The following CLTCL1 variants were observed in gnomAD, a reference collection of about 807,000 sequenced individuals.
The protein encoded by CLTCL1 is clathrin heavy chain 2.
CLTCL1 carries 159 observed loss-of-function variants against 190.0 expected under a neutral mutation model. The ratio of observed to expected loss-of-function variants is 0.84; its 90% CI spans 0.74 to 0.95. The LOEUF is 0.95. Ranked by LOEUF, CLTCL1 falls within the 40% of genes least tolerant of loss-of-function variation. The pLI, the probability that CLTCL1 is intolerant of heterozygous loss-of-function variation, is 0.00. For missense variants in CLTCL1, 1,878 were observed against 2,033.4 expected (o/e 0.92, Z 1.47); for synonymous variants, 752 against 769.6 (o/e 0.98, Z 0.38).
rs371319069 is a variant in CLTCL1 at position 19,212,630 on chromosome 22, GAAAGAAAGAGAAAGAAA to G, written c.3066-2138_3066-2122del. ...AAGGAAGGAAGGAAAGAAAGAGAAA[GAAAGAAAGAGAAAGAAA>G]AAAGAAAGAAAGAAAGAAAAGAAAG... On this transcript the variant is annotated intron_variant, in intron 19 of 32. Transcript: ENST00000427926. Among the ~76,000 whole-genome samples, 583 of 143,018 alleles carry G rather than the reference GAAAGAAAGAGAAAGAAA, an allele frequency of 4.1e-3. 8 individuals carry two copies. The highest frequency in any genetic ancestry group is 0.014 in the African/African-American group (556 of 39,150). The allele number at this position is 143,018 out of a possible 152,430, so 93.8% of individuals were successfully genotyped here. A position where few individuals can be genotyped will look rare whatever the true frequency, so the allele number is the denominator to read the frequency against.
chr22:19,224,141 G>A (rs1264802812), intron 13 of CLTCL1, 87 bp from the exon 14 acceptor site: 7 of 1,405,546 alleles, frequency 5.0e-6, no homozygotes, highest in Non-Finnish European at 6.9e-6. Flanking sequence ...CGATGACCCT[G>A]CTCCACTCTC....
Position 19,180,198 on chromosome 22 carries a change from C to T in CLTCL1, c.*20+1G>A. On this transcript the variant is annotated splice_donor_variant, in intron 32 of 32. Transcript: ENST00000427926. LOFTEE classifies it low-confidence loss of function (3UTR_SPLICE). ...AGCTAGTCTCCAAATGGGACACTTACTTAGTGCAATCAGCTGGGTCTCATT... is the reference window on the plus strand; with the variant it reads ...AGCTAGTCTCCAAATGGGACACTTATTTAGTGCAATCAGCTGGGTCTCATT... 1 of 1,613,554 alleles carries T rather than the reference C, an allele frequency of 6.2e-7. No individual in the cohort carries two copies. Among genetic ancestry groups the T allele is most frequent in the Non-Finnish European group, 8.5e-7 (1 of 1,179,588 alleles).
Position 19,187,559 on chromosome 22 carries a change from T to C in CLTCL1, c.4604A>G (p.Lys1535Arg). The change falls in exon 29 of 33, where the codon AAG (lysine) becomes AGG (arginine). Residue 1535 changes from lysine (K) to arginine (R), a missense_variant and splice_region_variant. Physicochemically the swap from Lys to Arg is conservative, Grantham distance 26. Transcript: ENST00000427926. ...VELCKKDHLY[K>R]DAMQHAAESR... ...AGGAAACGGGCCCAGGCCACCAACC[T>C]TGTAGAGATGATCCTTCTTGCAGAG... The C allele has an allele frequency of 3.1e-6, 5 of 1,610,286 alleles. No homozygotes were observed. The highest frequency in any genetic ancestry group is 4.2e-6 in the Non-Finnish European group (5 of 1,178,456).
At position 19,191,155 on chromosome 22, in the gene CLTCL1, T is replaced by A. The variant is rs1021743680; in HGVS notation, c.4323+149A>T. Reference sequence around the variant, plus strand: ...GCATGATACGGGAGGTATTCCTGTATCTGAAACCTAAAACACTTTGATACA... The same window carrying A: ...GCATGATACGGGAGGTATTCCTGTAACTGAAACCTAAAACACTTTGATACA... On this transcript the variant is annotated intron_variant, in intron 27 of 32. Coordinates refer to ENST00000427926, the MANE Select transcript of CLTCL1 (RefSeq NM_007098.4). 7.1e-6 allele frequency: 6 copies of A among 840,132 alleles called. No homozygotes were observed. In the African/African-American group the frequency reaches 8.6e-5, roughly 12 times the overall value. 52.0% of individuals were successfully genotyped at this position (840,132 alleles called of 1,614,324 possible).
At chr22:19,188,351 A>C (rs1484003296) in intron 27 of CLTCL1, among the ~76,000 whole-genome samples, 5 of 152,254 alleles carry the variant, frequency 3.3e-5, no homozygotes, top group Admixed American at 2.6e-4. Context: ...ACCACAATAA[A>C]GTGAACATTG....
intron 5 of CLTCL1, among the ~76,000 whole-genome samples, chr22:19,238,279 G>A (rs986116612): frequency 6.5e-4 from 99 of 152,174 alleles, no homozygotes; most frequent in African/African-American, 2.3e-3. Context: ...TAGTAGAGAC[G>A]GGGTTTCACC....
intron 2 of CLTCL1, among the ~76,000 whole-genome samples, chr22:19,255,562 C>CA (rs1433851535): frequency 2.7e-5 from 4 of 150,486 alleles, no homozygotes; most frequent in African/African-American, 7.3e-5. Context: ...AAACAGGTCT[C>CA]AAAAAAAATC....
intron 18 of CLTCL1, among the ~76,000 whole-genome samples, chr22:19,219,028 G>A (rs1468025003): frequency 3.3e-5 from 5 of 152,164 alleles, no homozygotes; most frequent in Admixed American, 3.3e-4. Flanking sequence ...GCATATCCCT[G>A]CTTTGGATCC....
intron 19 of CLTCL1, among the ~76,000 whole-genome samples, chr22:19,212,384 A>AC (rs1555947241): frequency 7.4e-6 from 1 of 134,550 alleles, no homozygotes; most frequent in East Asian, 2.4e-4. Context: ...ATATGGCAAG[A>AC]CCCTGTCTCT....
At chr22:19,211,724 G>T (rs1454231727) in intron 19 of CLTCL1, among the ~76,000 whole-genome samples, 1 of 142,606 alleles carries the variant, frequency 7.0e-6, no homozygotes, top group Non-Finnish European at 1.5e-5. Context: ...CTGAGATTGC[G>T]CCACTGCACT....
chr22:19,205,077 A>T (rs1555941979), intron 22 of CLTCL1, among the ~76,000 whole-genome samples: 1 of 133,442 alleles, frequency 7.5e-6, no homozygotes, highest in African/African-American at 3.0e-5. Flanking sequence ...TTCTAAAGTT[A>T]CATGATCACT....
At chr22:19,266,400 T>C (rs1555977978) in intron 2 of CLTCL1, among the ~76,000 whole-genome samples, 1 of 152,106 alleles carries the variant, frequency 6.6e-6, no homozygotes, top group African/African-American at 2.4e-5. Flanking sequence ...TCTGAACAGA[T>C]TCACAGCAAG....
At chr22:19,254,350 A>G (rs2086686806) in intron 2 of CLTCL1, 123 bp from the exon 3 acceptor site, 5 of 811,536 alleles carry the variant, frequency 6.2e-6, no homozygotes, top group Non-Finnish European at 7.6e-6. Context: ...TCTGATTAAC[A>G]GGGTCTGAAA....
chr22:19,286,862 G>A (rs1251216976), intron 1 of CLTCL1, among the ~76,000 whole-genome samples: 2 of 152,182 alleles, frequency 1.3e-5, no homozygotes, highest in Non-Finnish European at 2.9e-5. Flanking sequence ...ATGCAGCCTA[G>A]GTAGAGAAGC....
chr22:19,239,141 T>C, intron 5 of CLTCL1, 134 bp downstream of exon 5: 1 of 728,026 alleles, frequency 1.4e-6, no homozygotes, highest in Non-Finnish European at 2.4e-6. Flanking sequence ...GCCTTAGGCC[T>C]CTAAATGGGT....
At chr22:19,236,013 G>A (rs2086071959) in intron 5 of CLTCL1, 144 bp from the exon 6 acceptor site, 1 of 719,646 alleles carries the variant, frequency 1.4e-6, no homozygotes, top group Non-Finnish European at 2.2e-6. Context: ...AGGCTGGAGT[G>A]TAGTGGTGCC....
At chr22:19,244,821 A>G (rs1383153584) in intron 3 of CLTCL1, among the ~76,000 whole-genome samples, 1 of 152,204 alleles carries the variant, frequency 6.6e-6, no homozygotes, top group Non-Finnish European at 1.5e-5. Context: ...CATGTTAAGG[A>G]CTGTAGCAGG....
Position 19,191,395 on chromosome 22 carries a change from T to C in CLTCL1, c.4232A>G (p.Tyr1411Cys), listed in dbSNP as rs201995320. ...VELCYRALQF[Y>C]LDYKPLLIND... ...GATGAGCAGTGGTTTGTAATCCAAATAGAACTGCAGGGCTCTGTAACAGAG... is the reference window on the plus strand; with the variant it reads ...GATGAGCAGTGGTTTGTAATCCAAACAGAACTGCAGGGCTCTGTAACAGAG... Residue 1411 changes from tyrosine to cysteine, a missense_variant, in exon 27 of 33, where the codon TAT becomes TGT. Tyr to Cys is a radical substitution (Grantham distance 194). Transcript: ENST00000427926. 3 of 1,613,966 alleles carry C rather than the reference T, an allele frequency of 1.9e-6. No homozygotes were observed. The highest frequency in any genetic ancestry group is 2.2e-5 in the East Asian group (1 of 44,878).
At chr22:19,222,901 C>T (rs782339899) in intron 14 of CLTCL1, 92 bp from the exon 15 acceptor site, 7 of 1,470,220 alleles carry the variant, frequency 4.8e-6, no homozygotes, top group Non-Finnish European at 6.4e-6. Context: ...GGCTCTGTCT[C>T]TGCAGCAGAG....
Sources: allele counts gnomAD v4.1 joint callset (sites outside exome capture counted in the v4.1 genomes callset), GRCh38; gene constraint gnomAD v4.1.1; transcripts MANE v1.5; gene names NCBI Gene and HGNC (gene_info 2026-07-23, HGNC 2026-07-21).